VAT1L: variants seen among roughly 807,000 people sequenced by gnomAD.
The protein encoded by VAT1L is putative NADPH-dependent quinone oxidoreductase VAT1L.
VAT1L carries 34 observed loss-of-function variants against 44.1 expected under a neutral mutation model. The observed-to-expected ratio is 0.77, with a 90% CI of 0.59 to 1.03. The LOEUF is 1.03. Ranked by LOEUF, VAT1L falls within the 50% of genes least tolerant of loss-of-function variation. The pLI, the probability that VAT1L is intolerant of heterozygous loss-of-function variation, is 0.00. For synonymous variants in VAT1L, 253 were observed against 202.2 expected (o/e 1.25, Z -2.13); for missense variants, 615 against 538.8 (o/e 1.14, Z -1.40).
chr16:77,969,683 G>C (rs763517023), intron 7 of VAT1L, among the ~76,000 whole-genome samples: 2 of 152,062 alleles, frequency 1.3e-5, no homozygotes, highest in African/African-American at 4.8e-5. Context: ...TTGCTTAGAA[G>C]CAAGTCACTA....
At chr16:77,930,740 C>T (rs2017722393) in intron 7 of VAT1L, among the ~76,000 whole-genome samples, 1 of 152,112 alleles carries the variant, frequency 6.6e-6, no homozygotes, top group African/African-American at 2.4e-5. Context: ...TCCTCTTGGC[C>T]TGCTCCAACA....
chr16:77,879,440 G>A lies in VAT1L; in HGVS notation c.882+216G>A, dbSNP rs949955172. On this transcript the variant is annotated intron_variant, in intron 6 of 8. Coordinates refer to ENST00000302536, the MANE Select transcript of VAT1L (RefSeq NM_020927.3). This position sits in a 1 kb window ranked among gnomAD's most constrained non-coding sequence, Gnocchi z 4.1. ...CTAGTAGCTGGGATTACAGGCATGCGCCACCATACCCAGCTAATTTTTGTA... is the reference window on the plus strand; with the variant it reads ...CTAGTAGCTGGGATTACAGGCATGCACCACCATACCCAGCTAATTTTTGTA... 2.6e-5 allele frequency among the ~76,000 whole-genome samples: 4 copies of A among 152,300 alleles called. No individual in the cohort carries two copies. Among genetic ancestry groups the A allele is most frequent in the African/African-American group, 4.8e-5 (2 of 41,582 alleles).
intron 1 of VAT1L, among the ~76,000 whole-genome samples, chr16:77,797,724 C>T (rs753249664): frequency 2.8e-4 from 42 of 152,148 alleles, no homozygotes; most frequent in Non-Finnish European, 4.4e-4. Context: ...AAATAGTGCC[C>T]CGATGACCTC....
chr16:77,953,647 C>A (rs2018070289), intron 7 of VAT1L, among the ~76,000 whole-genome samples: 1 of 152,116 alleles, frequency 6.6e-6, no homozygotes, highest in Non-Finnish European at 1.5e-5. Context: ...GGCTCAGCCT[C>A]CCAAATAGCT....
chr16:77,850,631 T>C (rs1386144639), intron 3 of VAT1L, among the ~76,000 whole-genome samples: 3 of 152,064 alleles, frequency 2.0e-5, no homozygotes, highest in African/African-American at 7.2e-5. Context: ...GTAGTTTGAG[T>C]CGTTTGGTTT....
At chr16:77,839,211 G>A (rs1024554613) in intron 3 of VAT1L, among the ~76,000 whole-genome samples, 2 of 152,076 alleles carry the variant, frequency 1.3e-5, no homozygotes, top group Non-Finnish European at 2.9e-5. Context: ...TGAAGGGAAT[G>A]AAGGGGGAAA....
intron 7 of VAT1L, among the ~76,000 whole-genome samples, chr16:77,925,467 G>A (rs1414742699): frequency 6.6e-6 from 1 of 152,044 alleles, no homozygotes; most frequent in African/African-American, 2.4e-5. Context: ...GTTGTTTCGG[G>A]GTATTAAAGA....
At chr16:77,915,931 G>C (rs2017547495) in intron 7 of VAT1L, among the ~76,000 whole-genome samples, 1 of 152,166 alleles carries the variant, frequency 6.6e-6, no homozygotes, top group Non-Finnish European at 1.5e-5. Context: ...GTAAATGAAG[G>C]CTAATCCTAC....
intron 7 of VAT1L, among the ~76,000 whole-genome samples, chr16:77,918,570 T>C (rs1457360197): frequency 6.6e-6 from 1 of 152,144 alleles, no homozygotes; most frequent in African/African-American, 2.4e-5. Context: ...CACTAGAATG[T>C]CAGGCCCCAG....
intron 3 of VAT1L, among the ~76,000 whole-genome samples, chr16:77,853,295 C>T (rs887555448): frequency 6.6e-6 from 1 of 152,156 alleles, no homozygotes; most frequent in Admixed American, 6.5e-5. Context: ...ATCCCACACA[C>T]TAAACCCATG....
At chr16:77,968,265 G>A (rs369980249) in intron 7 of VAT1L, among the ~76,000 whole-genome samples, 1 of 151,954 alleles carries the variant, frequency 6.6e-6, no homozygotes, top group Non-Finnish European at 1.5e-5. Flanking sequence ...AGGGCTCTTG[G>A]GTCTCACACA....
At chr16:77,930,418 C>T (rs8063295) in intron 7 of VAT1L, among the ~76,000 whole-genome samples, 60,654 of 151,936 alleles carry the variant, frequency 0.4, 12,452 homozygotes, top group African/African-American at 0.45. Flanking sequence ...GAAGGGCCCA[C>T]AGGAATTTAG....
At chr16:77,823,014 G>A (rs1050828568) in intron 2 of VAT1L, among the ~76,000 whole-genome samples, 22 of 152,038 alleles carry the variant, frequency 1.4e-4, no homozygotes, top group Admixed American at 6.6e-5. Context: ...GGTCTGAATG[G>A]TGCCAAGATC....
chr16:77,822,107 T>C (rs2016462106), intron 2 of VAT1L, among the ~76,000 whole-genome samples: 1 of 152,202 alleles, frequency 6.6e-6, no homozygotes, highest in Non-Finnish European at 1.5e-5. Context: ...CTGCTGCCAC[T>C]TTTTATTGTT....
At chr16:77,967,090 G>T (rs1290270201) in intron 7 of VAT1L, among the ~76,000 whole-genome samples, 1 of 152,046 alleles carries the variant, frequency 6.6e-6, no homozygotes, top group Non-Finnish European at 1.5e-5. Context: ...CTTATAAACG[G>T]TAATTTGGGA....
intron 7 of VAT1L, among the ~76,000 whole-genome samples, chr16:77,896,498 CAG>C (rs143973258): frequency 0.018 from 2,715 of 152,266 alleles, 70 homozygotes; most frequent in African/African-American, 0.062. Context: ...TAATGACTGA[CAG>C]AGAGTAAGTG....
At chr16:77,869,326 A>G (rs2017006930) in intron 4 of VAT1L, among the ~76,000 whole-genome samples, 1 of 152,224 alleles carries the variant, frequency 6.6e-6, no homozygotes, top group Admixed American at 6.5e-5. Flanking sequence ...TGAGAACTCC[A>G]GGGGCCTGCA....
At chr16:77,902,650 A>G (rs1402596570) in intron 7 of VAT1L, among the ~76,000 whole-genome samples, 1 of 150,386 alleles carries the variant, frequency 6.6e-6, no homozygotes, top group African/African-American at 2.5e-5. Flanking sequence ...AGATCAATCA[A>G]TCAATCAATC....
intron 2 of VAT1L, among the ~76,000 whole-genome samples, chr16:77,820,926 C>T (rs1382097074): frequency 6.6e-6 from 1 of 152,212 alleles, no homozygotes; most frequent in African/African-American, 2.4e-5. Flanking sequence ...CCAGCAGTCC[C>T]TGCCCTAGCA....
Sources: allele counts gnomAD v4.1 joint callset (sites outside exome capture counted in the v4.1 genomes callset), GRCh38; gene constraint gnomAD v4.1.1; non-coding constraint Gnocchi (gnomAD v3.1); transcripts MANE v1.5; gene names NCBI Gene and HGNC (gene_info 2026-07-23, HGNC 2026-07-21).